The following TESK2 variants were observed in gnomAD, a reference collection of about 807,000 sequenced individuals.
The protein encoded by TESK2 is dual specificity testis-specific protein kinase 2.
A neutral mutation model predicts 57.1 loss-of-function variants in TESK2; 39 were observed. The observed-to-expected ratio is 0.68, with a 90% CI of 0.53 to 0.89. The LOEUF (loss-of-function observed/expected upper bound fraction) is 0.89. Among genes scored for constraint, TESK2 ranks in the 40% least tolerant of loss-of-function variants. TESK2 has a pLI of 0.00. For missense variants in TESK2, 646 were observed against 732.1 expected, an observed-to-expected ratio of 0.88 and a Z score of 1.36; for synonymous variants, 249 against 267.9, an observed-to-expected ratio of 0.93 and a Z score of 0.69.
At chr1:45,479,401 C>A (rs1159929943) in intron 1 of TESK2, among the ~76,000 whole-genome samples, 1 of 151,924 alleles carries the variant, frequency 6.6e-6, no homozygotes, top group Non-Finnish European at 1.5e-5. Flanking sequence ...TCAATACCAC[C>A]CTAGTTTTCC....
chr1:45,409,383 G>A (rs1422421176), intron 3 of TESK2, among the ~76,000 whole-genome samples: 1 of 152,176 alleles, frequency 6.6e-6, no homozygotes, highest in East Asian at 1.9e-4. Flanking sequence ...ATGTGTCTGA[G>A]AAACAAGAGG....
At chr1:45,422,688 C>T (rs944155140) in intron 2 of TESK2, among the ~76,000 whole-genome samples, 15 of 150,098 alleles carry the variant, frequency 1.0e-4, no homozygotes, top group Non-Finnish European at 2.2e-4. Flanking sequence ...AGGTGATCTG[C>T]CTGCCTCGGC....
chr1:45,371,991 T>A (rs1189109781), intron 4 of TESK2, among the ~76,000 whole-genome samples: 1 of 151,486 alleles, frequency 6.6e-6, no homozygotes, highest in African/African-American at 2.4e-5. Context: ...GTGGCTCACT[T>A]CTATACTCCC....
At chr1:45,479,598 C>CA (rs35077278) in intron 1 of TESK2, among the ~76,000 whole-genome samples, 1 of 150,852 alleles carries the variant, frequency 6.6e-6, no homozygotes, top group Non-Finnish European at 1.5e-5. Flanking sequence ...CCAGCCCCCC[C>CA]AAAAAATTAT....
chr1:45,363,198 C>T (rs1299722916), intron 4 of TESK2, among the ~76,000 whole-genome samples: 1 of 152,178 alleles, frequency 6.6e-6, no homozygotes, highest in Non-Finnish European at 1.5e-5. Flanking sequence ...TCCCATTTAA[C>T]AGTATCTTTT....
At chr1:45,384,593 ATTTTTTTTTTTTTTT>A (rs59988269) in intron 4 of TESK2, among the ~76,000 whole-genome samples, 16 of 70,866 alleles carry the variant, frequency 2.3e-4, no homozygotes, top group East Asian at 3.9e-4. Flanking sequence ...CTAATTATTA[ATTTTTTTTTTTTTTT>A]TTTTTTTTTT....
chr1:45,439,593 C>G (rs1467779294), intron 2 of TESK2, among the ~76,000 whole-genome samples: 1 of 152,168 alleles, frequency 6.6e-6, no homozygotes, highest in East Asian at 1.9e-4. Context: ...TATTACAATC[C>G]TCATTTTGCA....
chr1:45,428,764 A>G (rs1268663467), intron 2 of TESK2, among the ~76,000 whole-genome samples: 1 of 150,754 alleles, frequency 6.6e-6, no homozygotes, highest in African/African-American at 2.4e-5. Flanking sequence ...TCGGCCTCCC[A>G]AAGTGCTGGG....
chr1:45,475,366 C>T (rs934574323), intron 1 of TESK2, among the ~76,000 whole-genome samples: 6 of 151,972 alleles, frequency 3.9e-5, no homozygotes, highest in Non-Finnish European at 8.8e-5. Context: ...GCCACCACGC[C>T]TGGCTAATTT....
At chr1:45,357,277 T>C (rs1647471800) in intron 4 of TESK2, among the ~76,000 whole-genome samples, 1 of 151,752 alleles carries the variant, frequency 6.6e-6, no homozygotes, top group African/African-American at 2.4e-5. Flanking sequence ...AGAAGGACAA[T>C]GACATTCTAC....
intron 1 of TESK2, among the ~76,000 whole-genome samples, chr1:45,485,249 C>A (rs1186718258): frequency 3.4e-5 from 5 of 148,946 alleles, no homozygotes; most frequent in Non-Finnish European, 7.4e-5. Flanking sequence ...AGTGCAGTGG[C>A]GCGATCTCGG....
rs182971739 is a variant in TESK2 at position 45,393,842 on chromosome 1, T to A, written c.345-7882A>T. Reference sequence around the variant, plus strand: ...ATATTACTCATCCTTGACAGGGAAGTGACATGTGCCTAGAAAAGCACGTAA... The same window carrying A: ...ATATTACTCATCCTTGACAGGGAAGAGACATGTGCCTAGAAAAGCACGTAA... On this transcript the variant is annotated intron_variant, in intron 3 of 10. Transcript: ENST00000372086. Among the ~76,000 whole-genome samples, 340 of 152,124 alleles carry A rather than the reference T, an allele frequency of 2.2e-3. 4 individuals carry two copies. The highest frequency in any genetic ancestry group is 7.8e-3 in the African/African-American group (323 of 41,510).
intron 2 of TESK2, among the ~76,000 whole-genome samples, chr1:45,449,474 G>T (rs972607612): frequency 5.3e-5 from 8 of 152,094 alleles, no homozygotes; most frequent in Admixed American, 3.9e-4. Flanking sequence ...GAGCAGATAA[G>T]CTGTGGTAGA....
chr1:45,347,741 A>C, intron 6 of TESK2, 48 bp from the exon 7 acceptor site: 1 of 1,593,322 alleles, frequency 6.3e-7, no homozygotes, highest in Non-Finnish European at 8.6e-7. Context: ...TGGCTGGTGC[A>C]ATGGAATCTT....
intron 2 of TESK2, among the ~76,000 whole-genome samples, chr1:45,453,500 T>A (rs926085483): frequency 1.2e-4 from 18 of 152,072 alleles, no homozygotes; most frequent in Non-Finnish European, 2.6e-4. Context: ...AGCAAAAGAA[T>A]GAAATTGGAC....
chr1:45,468,206 A>G (rs1652633301), intron 1 of TESK2, among the ~76,000 whole-genome samples: 1 of 152,022 alleles, frequency 6.6e-6, no homozygotes, highest in African/African-American at 2.4e-5. Context: ...AGAGCTCATA[A>G]CAAACACTGA....
chr1:45,464,454 A>G (rs1377762735), intron 1 of TESK2, among the ~76,000 whole-genome samples: 2 of 151,122 alleles, frequency 1.3e-5, no homozygotes, highest in African/African-American at 4.9e-5. Context: ...TATAGTTTTC[A>G]TTGTAAAGAT....
At chr1:45,396,958 A>G (rs572562621) in intron 3 of TESK2, among the ~76,000 whole-genome samples, 5 of 151,874 alleles carry the variant, frequency 3.3e-5, no homozygotes, top group African/African-American at 1.2e-4. Context: ...AGCTGGGATT[A>G]CAAGCGTGCA....
intron 3 of TESK2, among the ~76,000 whole-genome samples, chr1:45,421,048 A>T (rs762304450): frequency 1.3e-5 from 2 of 152,190 alleles, no homozygotes; most frequent in African/African-American, 2.4e-5. Context: ...GCTTGAGCCC[A>T]GGAACTTGAG....
Sources: gnomAD v4.1 joint callset for allele counts (sites outside exome capture counted in the v4.1 genomes callset) on GRCh38, gnomAD v4.1.1 for gene constraint, MANE v1.5 for transcripts, NCBI Gene and HGNC (gene_info 2026-07-23, HGNC 2026-07-21) for gene names.